CASR: variants seen among roughly 807,000 people sequenced by gnomAD.
The protein encoded by CASR is calcium sensing receptor, also known as extracellular calcium-sensing receptor.
Under a neutral mutation model 69.1 loss-of-function variants are expected in CASR, and 23 were observed. The observed-to-expected ratio is 0.33, with a 90% CI of 0.24 to 0.47. The LOEUF is 0.47. CASR is among the 20% of genes least tolerant of loss of function. CASR has a pLI of 1.00. For missense variants in CASR, 924 were observed against 1,356.1 expected, an observed-to-expected ratio of 0.68 and a Z score of 5.00; for synonymous variants, 541 against 544.7, an observed-to-expected ratio of 0.99 and a Z score of 0.10.
chr3:122,237,821 T>C (rs557661034), intron 1 of CASR, among the ~76,000 whole-genome samples: 40 of 152,324 alleles, frequency 2.6e-4, no homozygotes, highest in African/African-American at 9.6e-4. Context: ...AGAACTCTCA[T>C]AGAGTGCAGT....
chr3:122,274,124 C>G (rs2074789121), intron 4 of CASR, among the ~76,000 whole-genome samples: 1 of 152,154 alleles, frequency 6.6e-6, no homozygotes, highest in Non-Finnish European at 1.5e-5. Context: ...GAGGATGGCT[C>G]AGCAGCTCTG....
At chr3:122,190,139 C>G (rs890325587) in intron 1 of CASR, among the ~76,000 whole-genome samples, 6 of 152,100 alleles carry the variant, frequency 3.9e-5, no homozygotes, top group Admixed American at 3.9e-4. Flanking sequence ...GGCTCTCTAC[C>G]ACAGCTTCAG....
rs764325121 is a variant in CASR at position 122,206,573 on chromosome 3, G to A, written c.-243+22761G>A. ...GTGTCCTCATCTGGTTTTGGTATCA[G>A]GATAACGCTGACCTCGAACAATGAG... is the stretch of plus-strand genomic sequence containing the variant. On this transcript the variant is annotated intron_variant, in intron 1 of 6. Coordinates refer to ENST00000639785, the MANE Select transcript of CASR (RefSeq NM_000388.4). Among the ~76,000 whole-genome samples the A allele has an allele frequency of 2.0e-5, 3 of 152,034 alleles. No homozygotes were observed. In the East Asian group the frequency reaches 5.8e-4, roughly 29 times the overall value.
At chr3:122,261,027 G>A (rs1177910555) in intron 3 of CASR, among the ~76,000 whole-genome samples, 3 of 152,214 alleles carry the variant, frequency 2.0e-5, no homozygotes, top group Admixed American at 2.0e-4. Context: ...AATCCATGGG[G>A]AACCCGATTC....
intron 1 of CASR, among the ~76,000 whole-genome samples, chr3:122,196,465 A>G (rs1435687310): frequency 6.6e-6 from 1 of 152,048 alleles, no homozygotes; most frequent in Non-Finnish European, 1.5e-5. Context: ...CTATGTAATA[A>G]TTTTTAGTTG....
At chr3:122,209,977 A>G (rs535727919) in intron 1 of CASR, among the ~76,000 whole-genome samples, 1 of 152,326 alleles carries the variant, frequency 6.6e-6, no homozygotes, top group South Asian at 2.1e-4. Context: ...ACAGAACTAA[A>G]GACAAAAACC....
Position 122,276,046 on chromosome 3 carries a change from G to C in CASR, c.1608+4G>C. 1 of 1,582,794 alleles carries C rather than the reference G, an allele frequency of 6.3e-7. No individual in the cohort carries two copies. The highest frequency in any genetic ancestry group is 8.7e-7 in the Non-Finnish European group (1 of 1,151,460). ...GTGGAGTGGGTTCTCCAGGGAGGTAGGTGCTGTCCATCAGAAAACCAGATG... is the reference window on the plus strand; with the variant it reads ...GTGGAGTGGGTTCTCCAGGGAGGTACGTGCTGTCCATCAGAAAACCAGATG... On this transcript the variant is annotated splice_donor_region_variant and intron_variant, in intron 5 of 6. Transcript: ENST00000639785.
intron 1 of CASR, among the ~76,000 whole-genome samples, chr3:122,243,477 C>A (rs2074397781): frequency 6.6e-6 from 1 of 152,108 alleles, no homozygotes; most frequent in Non-Finnish European, 1.5e-5. Context: ...AGTGAGATAT[C>A]ATCTCACCCC....
rs1414007336 is a variant in CASR at position 122,257,081 on chromosome 3, G to T, written c.186G>T (p.Arg62Ser). The T allele has an allele frequency of 6.2e-7, 1 of 1,613,702 alleles. No individual in the cohort carries two copies. The highest frequency in any genetic ancestry group is 1.7e-5 in the Admixed American group (1 of 60,020). The part of the protein sequence containing the change: ...KSRPESVECI[R>S]YNFRGFRWLQ... The stretch of plus-strand genomic sequence containing the variant: ...TTCTTCCACTTCTTCTTTCTTCCAG[G>T]TATAATTTCCGTGGGTTTCGCTGGT... Residue 62 changes from arginine to serine, a missense_variant and splice_region_variant, in exon 3 of 7, where the codon AGG becomes AGT. This residue lies in a region of CASR where 141 missense variants were observed against 283.0 expected (regional missense o/e 0.50). Transcript: ENST00000639785.
chr3:122,231,621 A>G (rs1266670257), intron 1 of CASR, among the ~76,000 whole-genome samples: 1 of 152,162 alleles, frequency 6.6e-6, no homozygotes, highest in Non-Finnish European at 1.5e-5. Flanking sequence ...ATCTCGTGCT[A>G]GTCACTTAAC....
chr3:122,208,949 C>T (rs1460821034), intron 1 of CASR, among the ~76,000 whole-genome samples: 1 of 152,118 alleles, frequency 6.6e-6, no homozygotes, highest in Admixed American at 6.5e-5. Context: ...CACTAGAGTT[C>T]GACATTGGGG....
chr3:122,195,122 A>G (rs1461804560), intron 1 of CASR, among the ~76,000 whole-genome samples: 1 of 152,120 alleles, frequency 6.6e-6, no homozygotes, highest in African/African-American at 2.4e-5. Context: ...TTATCAACCC[A>G]CTATGACAGC....
rs148195295 is a variant in CASR at position 122,267,997 on chromosome 3, G to A, written c.1377+5585G>A. ...GTAACTAGAGATAGGCAACTTAATA[G>A]ATGTCTAATTTCACTCCTGCATGTG... On this transcript the variant is annotated intron_variant, in intron 4 of 6. Coordinates refer to ENST00000639785, the MANE Select transcript of CASR (RefSeq NM_000388.4). Among the ~76,000 whole-genome samples, 4 of 152,234 alleles carry A rather than the reference G, an allele frequency of 2.6e-5. No individual in the cohort carries two copies. In the East Asian group the frequency reaches 7.7e-4, roughly 29 times the overall value.
intron 4 of CASR, among the ~76,000 whole-genome samples, chr3:122,265,805 C>T (rs1376946630): frequency 6.6e-6 from 1 of 152,194 alleles, no homozygotes; most frequent in African/African-American, 2.4e-5. Context: ...CTGCACCTCA[C>T]ACCAACACTC....
At chr3:122,250,023 A>G (rs2074466895) in intron 1 of CASR, among the ~76,000 whole-genome samples, 1 of 152,216 alleles carries the variant, frequency 6.6e-6, no homozygotes, top group Non-Finnish European at 1.5e-5. Flanking sequence ...GCAGCAGAAT[A>G]GAGGAAGCGG....
At chr3:122,248,702 G>A (rs1348532927) in intron 1 of CASR, among the ~76,000 whole-genome samples, 1 of 151,646 alleles carries the variant, frequency 6.6e-6, no homozygotes, top group Non-Finnish European at 1.5e-5. Flanking sequence ...TGTTCAGAAG[G>A]TCTGCGCCTG....
chr3:122,241,623 T>C (rs756699962), intron 1 of CASR, among the ~76,000 whole-genome samples: 2 of 151,944 alleles, frequency 1.3e-5, no homozygotes, highest in Non-Finnish European at 2.9e-5. Flanking sequence ...CCAATCCTAC[T>C]CAAACTATTC....
intron 1 of CASR, among the ~76,000 whole-genome samples, chr3:122,245,856 C>T (rs1394478084): frequency 1.3e-5 from 2 of 152,178 alleles, no homozygotes; most frequent in Non-Finnish European, 2.9e-5. Context: ...AAAGAATTCT[C>T]ATAATAAATA....
chr3:122,244,800 T>TA (rs2074411236), intron 1 of CASR, among the ~76,000 whole-genome samples: 1 of 151,988 alleles, frequency 6.6e-6, no homozygotes, highest in Admixed American at 6.6e-5. Context: ...GATAAGGGAG[T>TA]AAAAATAGAT....
Sources: allele counts gnomAD v4.1 joint callset (sites outside exome capture counted in the v4.1 genomes callset), GRCh38; gene constraint gnomAD v4.1.1; regional missense constraint gnomAD v4.1.1; transcripts MANE v1.5; gene names NCBI Gene and HGNC (gene_info 2026-07-23, HGNC 2026-07-21).